The following NBEAL2 variants were observed in gnomAD, a reference collection of about 807,000 sequenced individuals.
NBEAL2 encodes the protein neurobeachin-like protein 2.
Under a neutral mutation model 299.8 loss-of-function variants are expected in NBEAL2, and 160 were observed. The ratio of observed to expected loss-of-function variants is 0.53; its 90% CI spans 0.47 to 0.61. The LOEUF is 0.61. NBEAL2 is among the 20% of genes least tolerant of loss of function. The probability of loss-of-function intolerance (pLI) is 0.00; values close to 1 mark genes in which losing one functional copy is unlikely to be tolerated. For missense variants in NBEAL2, 3,112 were observed against 3,649.0 expected (o/e 0.85, Z 3.79); for synonymous variants, 1,493 against 1,542.3 (o/e 0.97, Z 0.75).
chr3:47,008,454 G>A lies in NBEAL2; in HGVS notation c.7878+13G>A. 1 of 1,610,448 alleles carries A rather than the reference G, an allele frequency of 6.2e-7. No homozygotes were observed. Among genetic ancestry groups the A allele is most frequent in the Non-Finnish European group, 8.5e-7 (1 of 1,177,176 alleles). On this transcript the variant is annotated intron_variant, in intron 51 of 53. Transcript: ENST00000450053. ...TCCTGGGGCCCAGGTATGGGGAAGG[G>A]GTGCCCAGCAAAGATGGAGGGGCAG...
rs200589995 is a variant in NBEAL2 at position 46,999,938 on chromosome 3, G to A, written c.3839G>A (p.Arg1280Gln). 86 of 1,611,412 alleles carry A rather than the reference G, an allele frequency of 5.3e-5. No homozygotes were observed. The highest frequency in any genetic ancestry group is 6.7e-5 in the East Asian group (3 of 44,870). The change falls in exon 27 of 54, where the codon CGA becomes CAA. Residue 1280 changes from arginine to glutamine, a missense_variant. This residue lies in a region of NBEAL2 where 2,243 missense variants were observed against 2,538.1 expected (regional missense o/e 0.88). Transcript: ENST00000450053. ...CCAGATGTAGTGCGGCTTCTGGCCC[G>A]ACAGGCTGGCTGGCAAGATGTGCTG... ...GQPDVVRLLARQAGWQDVLTR... is the reference protein window; with the variant it reads ...GQPDVVRLLAQQAGWQDVLTR...
At position 46,995,423 on chromosome 3, in the gene NBEAL2, G is replaced by T; in HGVS notation, c.1688G>T (p.Arg563Leu). The change falls in exon 13 of 54, where the codon CGC becomes CTC. Residue 563 changes from arginine to leucine, a missense_variant. Around this residue, in one of 3 missense-constraint regions of NBEAL2, gnomAD observed 2,243 missense variants for 2,538.1 expected, o/e 0.88. Coordinates refer to ENST00000450053, the MANE Select transcript of NBEAL2 (RefSeq NM_015175.3). ...GCCCGACACGCAGGTGCTGTCATCC[G>T]CACATTATCAGGCATGGCCAGGCAC... ...GKARHAGAVI[R>L]TLSGMARHQG... is the part of the protein sequence containing the mutation. 6.2e-7 allele frequency: 1 copy of T among 1,612,804 alleles called. No individual in the cohort carries two copies. The highest frequency in any genetic ancestry group is 2.2e-5 in the East Asian group (1 of 44,896).
Position 47,000,472 on chromosome 3 carries a change from G to A in NBEAL2, c.4305+68G>A. On this transcript the variant is annotated intron_variant, in intron 27 of 53. Coordinates refer to ENST00000450053, the MANE Select transcript of NBEAL2 (RefSeq NM_015175.3). This position sits in a 1 kb window ranked among gnomAD's most constrained non-coding sequence, Gnocchi z 4.5. ...AGGACACTTCTGGTACACAGGGCTG[G>A]CAGTGTAGCCTCTCCAAAGGTGTGG... 1 of 1,520,584 alleles carries A rather than the reference G, an allele frequency of 6.6e-7. No individual in the cohort carries two copies. The highest frequency in any genetic ancestry group is 8.8e-7 in the Non-Finnish European group (1 of 1,132,210). The allele number at this position is 1,520,584 out of a possible 1,614,324, so 94.2% of individuals were successfully genotyped here.
chr3:47,003,772 G>T lies in NBEAL2; in HGVS notation c.5721-44G>T. 2 of 1,532,194 alleles carry T rather than the reference G, an allele frequency of 1.3e-6. No individual in the cohort carries two copies. Among genetic ancestry groups the T allele is most frequent in the Middle Eastern group, 2.0e-4 (1 of 5,018 alleles). The allele number at this position is 1,532,194 out of a possible 1,614,324, so 94.9% of individuals were successfully genotyped here. ...GATGCCCTTTGGGCTTGTGAAGAAG[G>T]GGGTCCCAGAGCCTACAGCGTGAGG... On this transcript the variant is annotated intron_variant, in intron 35 of 53. Coordinates refer to ENST00000450053, the MANE Select transcript of NBEAL2 (RefSeq NM_015175.3). This position sits in a 1 kb window ranked among gnomAD's most constrained non-coding sequence, Gnocchi z 7.0.
In NBEAL2 at chr3:46,995,315, CAAT is replaced by C; in HGVS notation, c.1583_1585del (p.Ile528del). 1 of 1,589,716 alleles carries C rather than the reference CAAT, an allele frequency of 6.3e-7. No homozygotes were observed. The highest frequency in any genetic ancestry group is 8.6e-7 in the Non-Finnish European group (1 of 1,168,724). The stretch of plus-strand genomic sequence containing the variant: ...CTGCTACAAGCACTGGGCCGTGTAT[CAAT>C]AAGGCCCATGGAGCTGCGTCACCTG... On this transcript the variant is annotated inframe_deletion, in exon 13 of 54. Transcript: ENST00000450053.
At position 47,004,249 on chromosome 3, in the gene NBEAL2, C is replaced by T; in HGVS notation, c.6054C>T (p.Pro2018=). ...TTPVSSPSQT[P]RPQPGPIPPH... Reference sequence around the variant, plus strand: ...CAGTCTCATCTCCTAGCCAGACTCCCAGACCCCAGCCTGGCCCCATCCCAC... The same window carrying T: ...CAGTCTCATCTCCTAGCCAGACTCCTAGACCCCAGCCTGGCCCCATCCCAC... The change falls in exon 37 of 54, where the codon CCC becomes CCT. Residue 2018 remains proline, a synonymous_variant. Transcript: ENST00000450053. The surrounding 1 kb of genome is among the most constrained non-coding windows in gnomAD (Gnocchi z 5.0). 6.2e-7 allele frequency: 1 copy of T among 1,613,416 alleles called. No homozygotes were observed. The highest frequency in any genetic ancestry group is 8.5e-7 in the Non-Finnish European group (1 of 1,179,732).
At chr3:46,992,431 TCTTCTTTGCCTCCTCC>T in intron 9 of NBEAL2, 28 bp from the exon 10 acceptor site, 1 of 1,539,524 alleles carries the variant, frequency 6.5e-7, no homozygotes, top group Non-Finnish European at 8.9e-7. Context: ...CTTCCTCCTC[TCTTCTTTGCCTCCTCC>T]ACCCTGTGCC....
chr3:47,004,414 G>A lies in NBEAL2; in HGVS notation c.6198+21G>A. 6.3e-7 allele frequency: 1 copy of A among 1,590,480 alleles called. No homozygotes were observed. The highest frequency in any genetic ancestry group is 8.6e-7 in the Non-Finnish European group (1 of 1,165,596). ...CCCAGGTGAGAGCCCTGGGTGTGAG[G>A]GATGTGAAGTCGGGACCCTGAATCA... On this transcript the variant is annotated intron_variant, in intron 37 of 53. Transcript: ENST00000450053. This position sits in a 1 kb window ranked among gnomAD's most constrained non-coding sequence, Gnocchi z 5.0.
rs763511462 is a variant in NBEAL2, at chr3:47,009,032, C to A, written c.8071C>A (p.Arg2691Ser). ...TCCCTTGCCCATGAAGGTGGCCATC[C>A]GCAGCGTGGCCGTGACCAAGGAGCG... Reference protein sequence around the residue: ...APPLPMKVAIRSVAVTKERSH... With the variant: ...APPLPMKVAISSVAVTKERSH... Residue 2691 changes from arginine (R) to serine (S), a missense_variant, in exon 53 of 54, where the codon CGC becomes AGC. Around this residue, in one of 3 missense-constraint regions of NBEAL2, gnomAD observed 348 missense variants for 381.4 expected, o/e 0.91. Transcript: ENST00000450053. 1.9e-6 allele frequency: 3 copies of A among 1,601,062 alleles called. No homozygotes were observed. In the Admixed American group the frequency reaches 5.0e-5, roughly 27 times the overall value.
In NBEAL2 at chr3:47,000,072, C is replaced by T. The variant is rs1401165257; in HGVS notation, c.3973C>T (p.Pro1325Ser). The part of the protein sequence containing the change: ...PAPPKPPTES[P>S]AEPSDVFLPS... The stretch of plus-strand genomic sequence containing the variant: ...CCCACCCAAGCCACCCACTGAGTCA[C>T]CTGCTGAGCCTTCAGATGTCTTCCT... The change falls in exon 27 of 54, where the codon CCT becomes TCT. Residue 1325 changes from proline (P) to serine (S), a missense_variant. Physicochemically the swap from Pro to Ser is moderately conservative, Grantham distance 74. This residue lies in a region of NBEAL2 where 2,243 missense variants were observed against 2,538.1 expected (regional missense o/e 0.88). Transcript: ENST00000450053. The surrounding 1 kb of genome is among the most constrained non-coding windows in gnomAD (Gnocchi z 4.5). The T allele has an allele frequency of 1.9e-6, 3 of 1,613,510 alleles. No homozygotes were observed. Among genetic ancestry groups the T allele is most frequent in the African/African-American group, 2.7e-5 (2 of 74,880 alleles).
chr3:47,002,796 C>T lies in NBEAL2; in HGVS notation c.5453C>T (p.Ala1818Val), dbSNP rs1225612248. ...RQLASPCGAW[A>V]LRDTPIPRWK... ...CTCGCCAGCCCATGTGGGGCCTGGG[C>T]GCTGAGGTGGGCCGGGCTTGGGGCA... The change falls in exon 33 of 54, where the codon GCG (alanine) becomes GTG (valine). Residue 1818 changes from alanine (A) to valine (V), a missense_variant. Coordinates refer to ENST00000450053, the MANE Select transcript of NBEAL2 (RefSeq NM_015175.3). 8.0e-6 allele frequency: 11 copies of T among 1,380,042 alleles called. No individual in the cohort carries two copies. Among genetic ancestry groups the T allele is most frequent in the African/African-American group, 1.5e-5 (1 of 67,450 alleles). The allele number at this position is 1,380,042 out of a possible 1,614,324, so 85.5% of individuals were successfully genotyped here.
chr3:46,999,658 T>C lies in NBEAL2; in HGVS notation c.3732T>C (p.Ala1244=), dbSNP rs2036805129. ...GCCTGAACCTCTCAGATCTGCTGGC[T>C]GTGGTACAGCTGTCCCTCCAGGCTG... ...ADCLNLSDLL[A]VVQLSLQADL... Residue 1244 remains alanine (A), a synonymous_variant, in exon 26 of 54, where the codon GCT becomes GCC. Coordinates refer to ENST00000450053, the MANE Select transcript of NBEAL2 (RefSeq NM_015175.3). 1 of 1,613,186 alleles carries C rather than the reference T, an allele frequency of 6.2e-7. No individual in the cohort carries two copies. The highest frequency in any genetic ancestry group is 1.1e-5 in the South Asian group (1 of 91,050).
In NBEAL2 at chr3:46,982,249, G is replaced by A. The variant is rs900116646; in HGVS notation, c.51+2337G>A. ...AGGTAAGGGGCAGAGCTGAAAGTGG[G>A]TGTTTAGAGACCCTTTAGTTGGCCA... On this transcript the variant is annotated intron_variant, in intron 1 of 53. Transcript: ENST00000450053. The surrounding 1 kb of genome is among the most constrained non-coding windows in gnomAD (Gnocchi z 4.2). Among the ~76,000 whole-genome samples, 2 of 152,220 alleles carry A rather than the reference G, an allele frequency of 1.3e-5. No individual in the cohort carries two copies. The highest frequency in any genetic ancestry group is 1.3e-4 in the Admixed American group (2 of 15,306).
Position 46,979,906 on chromosome 3 carries a change from C to T in NBEAL2, c.45C>T (p.Tyr15=). The T allele has an allele frequency of 2.3e-6, 1 of 433,126 alleles. No homozygotes were observed. The highest frequency in any genetic ancestry group is 4.2e-6 in the Non-Finnish European group (1 of 239,368). The allele number at this position is 433,126 out of a possible 1,614,324, so 26.8% of individuals were successfully genotyped here. A position where few individuals can be genotyped will look rare whatever the true frequency, so the allele number is the denominator to read the frequency against. Residue 15 remains tyrosine (Y), a synonymous_variant, in exon 1 of 54, where the codon TAC becomes TAT. Transcript: ENST00000450053. The stretch of plus-strand genomic sequence containing the variant: ...TGTACGAGTTGTGGCTGCTCTACTA[C>T]GCGCAGGTGAGCCCGCCCCGCCCCG... The part of the protein sequence containing the change: ...ERLYELWLLY[Y]AQKDLGYLQQ...
Position 46,991,382 on chromosome 3 carries a change from G to A in NBEAL2, c.643-24G>A. On this transcript the variant is annotated intron_variant, in intron 7 of 53. Transcript: ENST00000450053. This position sits in a 1 kb window ranked among gnomAD's most constrained non-coding sequence, Gnocchi z 6.2. ...CTGCTGGGTGAGCCCCTTGCCCACT[G>A]CCCATCTCTGTCCACACCTGCAGGA... The A allele has an allele frequency of 6.3e-7, 1 of 1,590,128 alleles. No individual in the cohort carries two copies. The highest frequency in any genetic ancestry group is 1.3e-5 in the African/African-American group (1 of 74,528).
At chr3:46,999,770 G>A (rs758054826) in intron 26 of NBEAL2, 55 bp downstream of exon 26, 56 of 1,591,086 alleles carry the variant, frequency 3.5e-5, no homozygotes, top group Non-Finnish European at 3.3e-5. Context: ...TCTACCCTCT[G>A]GCCTTCCACC....
chr3:46,994,237 A>G (rs2036308546), intron 11 of NBEAL2, among the ~76,000 whole-genome samples: 1 of 152,094 alleles, frequency 6.6e-6, no homozygotes, highest in African/African-American at 2.4e-5. Flanking sequence ...TGGATGGGGA[A>G]TGGACACTTG....
rs769058852 is a variant in NBEAL2 at position 46,997,447 on chromosome 3, G to T, written c.2824+14G>T. 1.2e-6 allele frequency: 2 copies of T among 1,605,908 alleles called. No homozygotes were observed. The highest frequency in any genetic ancestry group is 1.1e-5 in the South Asian group (1 of 90,940). ...GTAAATCTTCAGGTAAGTGTTCCTG[G>T]TGCCTATGTTGTGGAGAGGGAATCT... is the stretch of plus-strand genomic sequence containing the variant. On this transcript the variant is annotated intron_variant, in intron 19 of 53. Coordinates refer to ENST00000450053, the MANE Select transcript of NBEAL2 (RefSeq NM_015175.3).
Position 47,007,880 on chromosome 3 carries a change from C to T in NBEAL2, c.7572C>T (p.Thr2524=), listed in dbSNP as rs1428979979. The change falls in exon 49 of 54, where the codon ACC becomes ACT. Residue 2524 remains threonine, a synonymous_variant. Coordinates refer to ENST00000450053, the MANE Select transcript of NBEAL2 (RefSeq NM_015175.3). ...GIYLISGSRD[T]TCMVWRLLHQ... ...ACCTCATCTCAGGCTCCCGGGACAC[C>T]ACGTGCATGGTGTGGCGGCTCCTGC... 1.2e-6 allele frequency: 2 copies of T among 1,613,548 alleles called. No homozygotes were observed. The highest frequency in any genetic ancestry group is 2.2e-5 in the East Asian group (1 of 44,886).
Sources: allele counts gnomAD v4.1 joint callset (sites outside exome capture counted in the v4.1 genomes callset), GRCh38; gene constraint gnomAD v4.1.1; regional missense constraint gnomAD v4.1.1; non-coding constraint Gnocchi (gnomAD v3.1); transcripts MANE v1.5; gene names NCBI Gene and HGNC (gene_info 2026-07-23, HGNC 2026-07-21).